Variants in DDN observed in about 807,000 individuals in gnomAD.
The protein encoded by DDN is dendrin.
A neutral mutation model predicts 7.3 loss-of-function variants in DDN; 4 were observed. The ratio of observed to expected loss-of-function variants is 0.55; its 90% CI spans 0.27 to 1.25. The LOEUF (loss-of-function observed/expected upper bound fraction) is 1.25. Ranked by LOEUF, DDN falls within the 50% of genes most tolerant of loss-of-function variation. The probability of loss-of-function intolerance (pLI) is 0.12; values close to 1 mark genes in which losing one functional copy is unlikely to be tolerated. For missense variants in DDN, 933 were observed against 974.7 expected, an observed-to-expected ratio of 0.96 and a Z score of 0.57; for synonymous variants, 425 against 424.3, an observed-to-expected ratio of 1.00 and a Z score of -0.02.
rs1235073814 is a variant in DDN, at chr12:48,999,345, A to G, written c.-58T>C. 2.7e-5 allele frequency: 32 copies of G among 1,202,114 alleles called. No homozygotes were observed. Among genetic ancestry groups the G allele is most frequent in the African/African-American group, 9.7e-5 (3 of 31,004 alleles). The allele number at this position is 1,202,114 out of a possible 1,614,324, so 74.5% of individuals were successfully genotyped here. Reference sequence around the variant, plus strand: ...CCACCCGCCCCAGGAGCCCCCTCCCAGCCCAGGGAGCCGGCGCCCACTGCA... The same window carrying G: ...CCACCCGCCCCAGGAGCCCCCTCCCGGCCCAGGGAGCCGGCGCCCACTGCA... On this transcript the variant is annotated 5_prime_UTR_variant, in exon 1 of 2. Coordinates refer to ENST00000421952, the MANE Select transcript of DDN (RefSeq NM_015086.2).
Position 48,996,556 on chromosome 12 carries a change from C to T in DDN, c.*184G>A. 9.3e-7 allele frequency: 1 copy of T among 1,073,398 alleles called. No individual in the cohort carries two copies. The highest frequency in any genetic ancestry group is 1.8e-5 in the South Asian group (1 of 56,968). The allele number at this position is 1,073,398 out of a possible 1,614,324, so 66.5% of individuals were successfully genotyped here. A position where few individuals can be genotyped will look rare whatever the true frequency, so the allele number is the denominator to read the frequency against. ...ATTAATTAAATCTGCTCATTCTCAC[C>T]TCTCCTGAAACAAAATCATTAATGG... On this transcript the variant is annotated 3_prime_UTR_variant, in exon 2 of 2. Coordinates refer to ENST00000421952, the MANE Select transcript of DDN (RefSeq NM_015086.2).
Position 48,997,089 on chromosome 12 carries a change from G to C in DDN, c.1787C>G (p.Ala596Gly). The C allele has an allele frequency of 5.9e-6, 9 of 1,523,168 alleles. No individual in the cohort carries two copies. Among genetic ancestry groups the C allele is most frequent in the Non-Finnish European group, 7.9e-6 (9 of 1,143,642 alleles). 94.4% of individuals were successfully genotyped at this position (1,523,168 alleles called of 1,614,324 possible). The change falls in exon 2 of 2, where the codon GCC becomes GGC. Residue 596 changes from alanine to glycine, a missense_variant. Transcript: ENST00000421952. ...GSEVAVVQRR[A>G]GRGWARTPGP... ...TGGGGTCCGCGCCCAGCCCCGGCCG[G>C]CGCGCCGCTGGACCACCGCCACTTC... is the stretch of plus-strand genomic sequence containing the variant.
In DDN at chr12:48,997,292, C is replaced by T; in HGVS notation, c.1584G>A (p.Gly528=). 1.2e-6 allele frequency: 2 copies of T among 1,608,470 alleles called. No individual in the cohort carries two copies. Among genetic ancestry groups the T allele is most frequent in the Middle Eastern group, 1.7e-4 (1 of 6,052 alleles). Residue 528 remains glycine, a synonymous_variant, in exon 2 of 2, where the codon GGG becomes GGA. Coordinates refer to ENST00000421952, the MANE Select transcript of DDN (RefSeq NM_015086.2). ...CCGGCCTCCCGCCCTCAGCTTCGCC[C>T]CCGCGGCCCCCGCCGGGCTGGTGTA... ...RLLHQPGGGR[G]GEAEGGRPGD...
rs61552095 is a variant in DDN at position 48,997,803 on chromosome 12, G to C, written c.1073C>G (p.Pro358Arg). The C allele has an allele frequency of 5.6e-3, 8,970 of 1,613,366 alleles. 422 individuals are homozygous for C. In the African/African-American group the frequency reaches 0.11, roughly 19 times the overall value. Reference protein sequence around the residue: ...AGSATAAPCAPHPAPRSRHHL... With the variant: ...AGSATAAPCARHPAPRSRHHL... The stretch of plus-strand genomic sequence containing the variant: ...GTGCCTGGATCTGGGAGCGGGATGC[G>C]GGGCACAGGGAGCCGCAGTTGCAGA... The change falls in exon 2 of 2, where the codon CCG (proline) becomes CGG (arginine). Residue 358 changes from proline to arginine, a missense_variant. Coordinates refer to ENST00000421952, the MANE Select transcript of DDN (RefSeq NM_015086.2).
At position 48,998,157 on chromosome 12, in the gene DDN, A is replaced by T. The variant is rs1339927941; in HGVS notation, c.719T>A (p.Leu240Ter). The T allele has an allele frequency of 6.2e-7, 1 of 1,613,358 alleles. No individual in the cohort carries two copies. The highest frequency in any genetic ancestry group is 8.5e-7 in the Non-Finnish European group (1 of 1,179,946). ...PPSYEGPHRT[L>*]GTKRGPGNSQ... The stretch of plus-strand genomic sequence containing the variant: ...GTTCCCGGGGCCTCTCTTAGTCCCC[A>T]AGGTCCTATGGGGGCCTTCGTAAGA... Residue 240 changes from leucine to a stop codon, truncating the protein, a stop_gained, in exon 2 of 2, where the codon TTG becomes TAG. Transcript: ENST00000421952. LOFTEE classifies it low-confidence loss of function (END_TRUNC).
intron 1 of DDN, 108 bp downstream of exon 1, chr12:48,998,971 G>T: frequency 3.9e-6 from 5 of 1,279,122 alleles, no homozygotes; most frequent in Non-Finnish European, 5.5e-6. Context: ...GAGGTGGAAG[G>T]CGTGGGAAAG....
rs1290417081 is a variant in DDN at position 48,997,220 on chromosome 12, C to A, written c.1656G>T (p.Pro552=). 2 of 1,586,554 alleles carry A rather than the reference C, an allele frequency of 1.3e-6. No individual in the cohort carries two copies. The highest frequency in any genetic ancestry group is 1.8e-5 in the Admixed American group (1 of 57,058). The part of the protein sequence containing the change: ...EERTFRILGL[P]APEVNLRDAP... ...CGTCCCGCAGGTTTACTTCGGGGGC[C>A]GGGAGCCCCAAGATGCGGAAAGTGC... The change falls in exon 2 of 2, where the codon CCG becomes CCT. Residue 552 remains proline (P), a synonymous_variant. Transcript: ENST00000421952.
Position 48,999,234 on chromosome 12 carries a change from C to G in DDN, c.54G>C (p.Gln18His), listed in dbSNP as rs867590257. The G allele has an allele frequency of 1.9e-6, 3 of 1,580,980 alleles. No homozygotes were observed. The highest frequency in any genetic ancestry group is 1.7e-4 in the Middle Eastern group (1 of 6,014). Residue 18 changes from glutamine (Q) to histidine (H), a missense_variant, in exon 1 of 2, where the codon CAG becomes CAC. Transcript: ENST00000421952. Reference protein sequence around the residue: ...SEGPDSPRELQDEESGSCLWV... With the variant: ...SEGPDSPRELHDEESGSCLWV... ...AGAGGCAGCTGCCAGACTCCTCATCCTGGAGCTCCCGGGGGCTGTCAGGCC... is the reference window on the plus strand; with the variant it reads ...AGAGGCAGCTGCCAGACTCCTCATCGTGGAGCTCCCGGGGGCTGTCAGGCC...
At chr12:48,998,961 G>GCCC (rs1941259629) in intron 1 of DDN, 118 bp downstream of exon 1, 2 of 1,209,540 alleles carry the variant, frequency 1.7e-6, no homozygotes, top group South Asian at 2.8e-5. Flanking sequence ...GGAGCGGGCA[G>GCCC]AGGTGGAAGG....
Position 48,997,333 on chromosome 12 carries a change from A to G in DDN, c.1543T>C (p.Ser515Pro). ...VFPSPCQKRLSSSRLLHQPGG... is the reference protein window; with the variant it reads ...VFPSPCQKRLPSSRLLHQPGG... ...GGCTGGTGTAAAAGGCGACTGCTCG[A>G]CAGCCGCTTTTGACAAGGGGAAGGA... is the stretch of plus-strand genomic sequence containing the variant. The change falls in exon 2 of 2, where the codon TCG (serine) becomes CCG (proline). Residue 515 changes from serine to proline, a missense_variant. Coordinates refer to ENST00000421952, the MANE Select transcript of DDN (RefSeq NM_015086.2). 1 of 1,610,312 alleles carries G rather than the reference A, an allele frequency of 6.2e-7. No individual in the cohort carries two copies. Among genetic ancestry groups the G allele is most frequent in the Non-Finnish European group, 8.5e-7 (1 of 1,178,652 alleles).
rs1363271126 is a variant in DDN at position 48,996,611 on chromosome 12, T to A, written c.*129A>T. On this transcript the variant is annotated 3_prime_UTR_variant, in exon 2 of 2. Transcript: ENST00000421952. ...ATGCTTCCCTTCCTTTCATTTATAT[T>A]TCAAGGATGAGAACAGGTATGGGTA... 1.4e-6 allele frequency: 2 copies of A among 1,404,130 alleles called. No individual in the cohort carries two copies. Among genetic ancestry groups the A allele is most frequent in the African/African-American group, 2.9e-5 (2 of 69,022 alleles). The allele number at this position is 1,404,130 out of a possible 1,614,324, so 87.0% of individuals were successfully genotyped here.
In DDN at chr12:48,999,327, C is replaced by A. The variant is rs1436513271; in HGVS notation, c.-40G>T. ...CCCCGGCCCCCCACCCTCCCACCCG[C>A]CCCAGGAGCCCCCTCCCAGCCCAGG... is the stretch of plus-strand genomic sequence containing the variant. On this transcript the variant is annotated 5_prime_UTR_variant, in exon 1 of 2. Transcript: ENST00000421952. 3 of 1,491,710 alleles carry A rather than the reference C, an allele frequency of 2.0e-6. No individual in the cohort carries two copies. The highest frequency in any genetic ancestry group is 1.4e-5 in the African/African-American group (1 of 71,070). The allele number at this position is 1,491,710 out of a possible 1,614,324, so 92.4% of individuals were successfully genotyped here. A position where few individuals can be genotyped will look rare whatever the true frequency, so the allele number is the denominator to read the frequency against.
Position 48,997,309 on chromosome 12 carries a change from G to A in DDN, c.1567C>T (p.Pro523Ser), listed in dbSNP as rs779071427. 1 of 1,609,842 alleles carries A rather than the reference G, an allele frequency of 6.2e-7. No individual in the cohort carries two copies. Among genetic ancestry groups the A allele is most frequent in the Non-Finnish European group, 8.5e-7 (1 of 1,178,532 alleles). Residue 523 changes from proline (P) to serine (S), a missense_variant, in exon 2 of 2, where the codon CCC becomes TCC. Pro to Ser is a moderately conservative substitution (Grantham distance 74, BLOSUM62 -1). Transcript: ENST00000421952. ...RLSSSRLLHQ[P>S]GGGRGGEAEG... ...GCTTCGCCCCCGCGGCCCCCGCCGG[G>A]CTGGTGTAAAAGGCGACTGCTCGAC... is the stretch of plus-strand genomic sequence containing the variant.
rs542157270 is a variant in DDN, at chr12:48,998,350, G to A, written c.526C>T (p.Arg176Cys). Residue 176 changes from arginine to cysteine, a missense_variant, in exon 2 of 2, where the codon CGT becomes TGT. Coordinates refer to ENST00000421952, the MANE Select transcript of DDN (RefSeq NM_015086.2). The part of the protein sequence containing the change: ...ERLAPVGRAP[R>C]PSAQPQSDPG... ...TCGCTCTGCGGCTGCGCGGATGGACGGGGCGCTCGCCCCACAGGCGCCAGG... is the reference window on the plus strand; with the variant it reads ...TCGCTCTGCGGCTGCGCGGATGGACAGGGCGCTCGCCCCACAGGCGCCAGG... The A allele has an allele frequency of 5.9e-6, 9 of 1,515,338 alleles. No individual in the cohort carries two copies. The highest frequency in any genetic ancestry group is 1.9e-4 in the Middle Eastern group (1 of 5,400). 93.9% of individuals were successfully genotyped at this position (1,515,338 alleles called of 1,614,324 possible). A position where few individuals can be genotyped will look rare whatever the true frequency, so the allele number is the denominator to read the frequency against.
In DDN at chr12:48,997,305, C is replaced by A. The variant is rs749405731; in HGVS notation, c.1571G>T (p.Gly524Val). 2 of 1,609,478 alleles carry A rather than the reference C, an allele frequency of 1.2e-6. No homozygotes were observed. The highest frequency in any genetic ancestry group is 2.2e-5 in the South Asian group (2 of 90,800). The change falls in exon 2 of 2, where the codon GGC becomes GTC. Residue 524 changes from glycine (G) to valine (V), a missense_variant. Gly to Val is a moderately radical substitution (Grantham distance 109, BLOSUM62 -3). Transcript: ENST00000421952. ...LSSSRLLHQP[G>V]GGRGGEAEGG... ...CTCAGCTTCGCCCCCGCGGCCCCCG[C>A]CGGGCTGGTGTAAAAGGCGACTGCT...
In DDN at chr12:48,999,326, G is replaced by T. The variant is rs1250479159; in HGVS notation, c.-39C>A. ...ACCCCGGCCCCCCACCCTCCCACCC[G>T]CCCCAGGAGCCCCCTCCCAGCCCAG... On this transcript the variant is annotated 5_prime_UTR_variant, in exon 1 of 2. Coordinates refer to ENST00000421952, the MANE Select transcript of DDN (RefSeq NM_015086.2). The T allele has an allele frequency of 8.6e-7, 1 of 1,169,064 alleles. No individual in the cohort carries two copies. The highest frequency in any genetic ancestry group is 1.1e-6 in the Non-Finnish European group (1 of 937,666). 72.4% of individuals were successfully genotyped at this position (1,169,064 alleles called of 1,614,324 possible). A position where few individuals can be genotyped will look rare whatever the true frequency, so the allele number is the denominator to read the frequency against.
At position 48,996,993 on chromosome 12, in the gene DDN, G is replaced by T. The variant is rs763177634; in HGVS notation, c.1883C>A (p.Thr628Lys). 3 of 1,569,604 alleles carry T rather than the reference G, an allele frequency of 1.9e-6. No homozygotes were observed. The highest frequency in any genetic ancestry group is 1.7e-6 in the Non-Finnish European group (2 of 1,157,522). ...IRRHTAPDSD[T>K]DEAEELSVHS... ...GACGCTGAGCTCCTCAGCTTCGTCCGTGTCCGAGTCAGGGGCTGTGTGGCG... is the reference window on the plus strand; with the variant it reads ...GACGCTGAGCTCCTCAGCTTCGTCCTTGTCCGAGTCAGGGGCTGTGTGGCG... Residue 628 changes from threonine to lysine, a missense_variant, in exon 2 of 2, where the codon ACG becomes AAG. Transcript: ENST00000421952.
At chr12:48,998,739 A>C in intron 1 of DDN, 73 bp from the exon 2 acceptor site, 1 of 1,421,476 alleles carries the variant, frequency 7.0e-7, no homozygotes, top group African/African-American at 1.4e-5. Flanking sequence ...AGCTGGGAGC[A>C]CTGGAGACCA....
At position 48,996,709 on chromosome 12, in the gene DDN, C is replaced by A; in HGVS notation, c.*31G>T. Reference sequence around the variant, plus strand: ...GGACCAGTGGACCCAAGGATGGATGCGTTGGGGACACAAATACAAGAAGGG... The same window carrying A: ...GGACCAGTGGACCCAAGGATGGATGAGTTGGGGACACAAATACAAGAAGGG... On this transcript the variant is annotated 3_prime_UTR_variant, in exon 2 of 2. Coordinates refer to ENST00000421952, the MANE Select transcript of DDN (RefSeq NM_015086.2). 1 of 1,601,520 alleles carries A rather than the reference C, an allele frequency of 6.2e-7. No individual in the cohort carries two copies. The highest frequency in any genetic ancestry group is 8.5e-7 in the Non-Finnish European group (1 of 1,171,498).
Sources: allele counts gnomAD v4.1 joint callset, GRCh38; gene constraint gnomAD v4.1.1; transcripts MANE v1.5; gene names NCBI Gene and HGNC (gene_info 2026-07-23, HGNC 2026-07-21).